KANSL1: variants seen among roughly 807,000 people sequenced by gnomAD.
KANSL1 encodes the protein KAT8 regulatory NSL complex subunit 1.
In KANSL1, 22 loss-of-function variants were observed where a neutral mutation model predicts 103.6. The observed-to-expected ratio is 0.21, with a 90% CI of 0.15 to 0.30. The LOEUF (loss-of-function observed/expected upper bound fraction) is 0.30, where lower values mean the gene tolerates loss of function less well. Ranked by LOEUF, KANSL1 falls within the 10% of genes least tolerant of loss-of-function variation. The pLI is 1.00. For synonymous variants in KANSL1, 600 were observed against 527.6 expected (o/e 1.14, Z -1.88); for missense variants, 1,337 against 1,399.8 (o/e 0.96, Z 0.72).
At chr17:46,108,211 CTCTA>C (rs1221385831) in intron 2 of KANSL1, among the ~76,000 whole-genome samples, 1 of 152,224 alleles carries the variant, frequency 6.6e-6, no homozygotes, top group Non-Finnish European at 1.5e-5. Context: ...AACAGAGAGC[CTCTA>C]TCACCCAATC....
rs2047432057 is a variant in KANSL1, at chr17:46,193,059, TTC to T, written c.-328_-327del. On this transcript the variant is annotated 5_prime_UTR_variant, in exon 1 of 15. Coordinates refer to ENST00000432791, the MANE Select transcript of KANSL1 (RefSeq NM_015443.4). Reference sequence around the variant, plus strand: ...GGCGGCGGGGAGCGGCTGCTTTTTCTTCTCTTTCGGGCCCTTTCCCGGCCTTG... The same window carrying T: ...GGCGGCGGGGAGCGGCTGCTTTTTCTTCTTTCGGGCCCTTTCCCGGCCTTG... The T allele has an allele frequency of 6.5e-6, 1 of 152,672 alleles. No homozygotes were observed. Among genetic ancestry groups the T allele is most frequent in the Admixed American group, 6.6e-5 (1 of 15,262 alleles). The allele number at this position is 152,672 out of a possible 1,614,324, so 9.5% of individuals were successfully genotyped here.
At chr17:46,063,261 G>T (rs978982247) in intron 6 of KANSL1, among the ~76,000 whole-genome samples, 6 of 152,208 alleles carry the variant, frequency 3.9e-5, no homozygotes, top group African/African-American at 1.2e-4. Flanking sequence ...CTTCTTTGCT[G>T]TCATTAGAAA....
chr17:46,033,255 C>A, intron 12 of KANSL1, 63 bp from the exon 13 acceptor site: 2 of 1,449,260 alleles, frequency 1.4e-6, no homozygotes, highest in Non-Finnish European at 1.9e-6. Context: ...AGTCCCACCC[C>A]ATTCTAGGTT....
At chr17:46,174,725 A>C (rs982672665) in intron 1 of KANSL1, among the ~76,000 whole-genome samples, 4 of 152,214 alleles carry the variant, frequency 2.6e-5, no homozygotes, top group Non-Finnish European at 5.9e-5. Flanking sequence ...CCCAAGCTAG[A>C]GTGCAGCGGC....
intron 10 of KANSL1, chr17:46,034,587 G>A: frequency 2.9e-6 from 1 of 343,310 alleles, no homozygotes. Flanking sequence ...TTAACTGTTG[G>A]GGTTCCTACT....
intron 6 of KANSL1, among the ~76,000 whole-genome samples, chr17:46,065,136 CT>C (rs369694354): frequency 1.6e-3 from 226 of 142,900 alleles, no homozygotes; most frequent in Middle Eastern, 3.5e-3. Context: ...CCACAGCAGG[CT>C]TTTTTTTTTT....
intron 1 of KANSL1, among the ~76,000 whole-genome samples, chr17:46,178,429 T>C (rs1261768191): frequency 6.6e-6 from 1 of 152,248 alleles, no homozygotes; most frequent in Non-Finnish European, 1.5e-5. Context: ...AGTCAGACTG[T>C]ACATTCAGAA....
intron 1 of KANSL1, among the ~76,000 whole-genome samples, chr17:46,180,273 A>ACTCCCAAAC (rs2046722352): frequency 6.6e-6 from 1 of 151,932 alleles, no homozygotes; most frequent in African/African-American, 2.4e-5. Context: ...AGGCGGGTGG[A>ACTCCCAAAC]TCACCTGAGG....
chr17:46,154,455 G>A (rs2045305731), intron 2 of KANSL1, among the ~76,000 whole-genome samples: 1 of 151,910 alleles, frequency 6.6e-6, no homozygotes, highest in African/African-American at 2.4e-5. Flanking sequence ...CATTTCTTGT[G>A]GTTTATTGTA....
chr17:46,181,714 G>T (rs1316827274), intron 1 of KANSL1, among the ~76,000 whole-genome samples: 1 of 152,172 alleles, frequency 6.6e-6, no homozygotes, highest in Admixed American at 6.5e-5. Context: ...TTACAGGCAT[G>T]AGCCACCACA....
At chr17:46,037,434 T>C (rs1353183989) in intron 10 of KANSL1, 1 of 152,258 alleles carries the variant, frequency 6.6e-6, no homozygotes, top group Non-Finnish European at 1.5e-5. Flanking sequence ...CACAGGAGCC[T>C]AGTGAGTCCA....
intron 2 of KANSL1, among the ~76,000 whole-genome samples, chr17:46,119,248 T>C (rs1249639841): frequency 6.6e-6 from 1 of 152,138 alleles, no homozygotes; most frequent in African/African-American, 2.4e-5. Context: ...AGGTCATTTG[T>C]CAGAGAAGCA....
chr17:46,155,226 C>T (rs1195311081), intron 2 of KANSL1, among the ~76,000 whole-genome samples: 3 of 142,466 alleles, frequency 2.1e-5, no homozygotes, highest in South Asian at 2.2e-4. Flanking sequence ...GTTGCCATCT[C>T]GGCTCACAGC....
chr17:46,071,046 C>T (rs1225593259), intron 4 of KANSL1, among the ~76,000 whole-genome samples: 1 of 152,188 alleles, frequency 6.6e-6, no homozygotes, highest in Non-Finnish European at 1.5e-5. Context: ...CTAACTACTA[C>T]TGCTATAACA....
At chr17:46,079,745 G>A (rs974623437) in intron 4 of KANSL1, among the ~76,000 whole-genome samples, 25 of 152,234 alleles carry the variant, frequency 1.6e-4, no homozygotes, top group African/African-American at 5.8e-4. Flanking sequence ...TGGAGGCCAA[G>A]GCCAGCGGAT....
intron 1 of KANSL1, among the ~76,000 whole-genome samples, chr17:46,191,823 A>T (rs1476723205): frequency 6.6e-6 from 1 of 152,180 alleles, no homozygotes; most frequent in Non-Finnish European, 1.5e-5. Context: ...TTGTGAATGG[A>T]GGGGAGGGAG....
chr17:46,050,499 T>C, intron 7 of KANSL1, 34 bp downstream of exon 7: 1 of 1,598,412 alleles, frequency 6.3e-7, no homozygotes, highest in Non-Finnish European at 8.6e-7. Flanking sequence ...TCAAGTTTCT[T>C]TCATTAGACT....
chr17:46,197,351 CAAT>C (rs914353865), upstream of KANSL1, among the ~76,000 whole-genome samples: 2 of 152,182 alleles, frequency 1.3e-5, no homozygotes, highest in Admixed American at 1.3e-4. Context: ...CTTCACTTGA[CAAT>C]AATGTAGGCT....
chr17:46,097,411 T>G (rs1291466069), intron 2 of KANSL1, among the ~76,000 whole-genome samples: 4 of 152,176 alleles, frequency 2.6e-5, no homozygotes, highest in Admixed American at 6.5e-5. Context: ...AAATAAACAT[T>G]AATAAGGATT....
Sources: gnomAD v4.1 joint callset for allele counts (sites outside exome capture counted in the v4.1 genomes callset) on GRCh38, gnomAD v4.1.1 for gene constraint, MANE v1.5 for transcripts, NCBI Gene and HGNC (gene_info 2026-07-23, HGNC 2026-07-21) for gene names.